CAPN12: variants seen among roughly 807,000 people sequenced by gnomAD.
The protein encoded by CAPN12 is calpain 12.
A neutral mutation model predicts 95.0 loss-of-function variants in CAPN12; 107 were observed. That is an observed-to-expected ratio of 1.13 (90% CI 0.96 to 1.32). The LOEUF (loss-of-function observed/expected upper bound fraction) is 1.32, where lower values mean the gene tolerates loss of function less well. Ranked by LOEUF, CAPN12 falls within the 40% of genes most tolerant of loss-of-function variation. CAPN12 has a pLI of 0.00. For missense variants in CAPN12, 1,136 were observed against 997.8 expected, an observed-to-expected ratio of 1.14 and a Z score of -1.87; for synonymous variants, 505 against 415.5, an observed-to-expected ratio of 1.22 and a Z score of -2.62.
intron 12 of CAPN12, 133 bp downstream of exon 12, chr19:38,735,977 C>A: frequency 4.7e-6 from 1 of 214,328 alleles, no homozygotes. Context: ...CGGGGCGGGG[C>A]GGGGCAGGGG....
chr19:38,730,628 G>T lies in CAPN12; in HGVS notation c.*224C>A, dbSNP rs1322008090. The T allele has an allele frequency of 1.5e-5, 9 of 613,544 alleles. No individual in the cohort carries two copies. The highest frequency in any genetic ancestry group is 2.6e-5 in the Non-Finnish European group (9 of 343,966). The allele number at this position is 613,544 out of a possible 1,614,324, so 38.0% of individuals were successfully genotyped here. ...TAGCACTGTCTTAAGCTGTCAACGT[G>T]GACTAGCTCGTGTCATCTGCTCGAG... On this transcript the variant is annotated 3_prime_UTR_variant, in exon 21 of 21. Transcript: ENST00000328867.
In CAPN12 at chr19:38,737,354, C is replaced by T. The variant is rs1328544583; in HGVS notation, c.1164G>A (p.Thr388=). The part of the protein sequence containing the change: ...TFWTNPQFRL[T]LLEPDEEDDE... ...CATCCTCCTCATCAGGCTCCAGCAGCGTTAAACGGAACTGAGGATTGGTCC... is the reference window on the plus strand; with the variant it reads ...CATCCTCCTCATCAGGCTCCAGCAGTGTTAAACGGAACTGAGGATTGGTCC... Residue 388 remains threonine (T), a synonymous_variant, in exon 10 of 21, where the codon ACG becomes ACA. Transcript: ENST00000328867. 6.2e-7 allele frequency: 1 copy of T among 1,608,718 alleles called. No homozygotes were observed. The highest frequency in any genetic ancestry group is 8.5e-7 in the Non-Finnish European group (1 of 1,178,340).
At position 38,738,642 on chromosome 19, in the gene CAPN12, G is replaced by T. The variant is rs747146013; in HGVS notation, c.736C>A (p.Arg246=). The T allele has an allele frequency of 6.2e-7, 1 of 1,613,888 alleles. No individual in the cohort carries two copies. Among genetic ancestry groups the T allele is most frequent in the African/African-American group, 1.3e-5 (1 of 75,026 alleles). ...CCCTCTTCTGTGCGGTACTCACCCCGATCACTCTGGGCAGGGGATGGGATG... is the reference window on the plus strand; with the variant it reads ...CCCTCTTCTGTGCGGTACTCACCCCTATCACTCTGGGCAGGGGATGGGATG... The part of the protein sequence containing the change: ...SLVGATALSD[R]GEYRTEEGLV... The change falls in exon 6 of 21, where the codon CGG becomes AGG. Residue 246 remains arginine (R), a synonymous_variant. Transcript: ENST00000328867.
rs1235565483 is a variant in CAPN12, at chr19:38,738,255, GGACCCTGAC to G, written c.965+9_965+17del. On this transcript the variant is annotated intron_variant, in intron 8 of 20. Transcript: ENST00000328867. ...AGAGACCCTCCCAGAGGCAGAGCTG[GGACCCTGAC>G]GAACTGACCAGAACTCGCCATCCTC... 6.2e-7 allele frequency: 1 copy of G among 1,611,782 alleles called. No individual in the cohort carries two copies. The highest frequency in any genetic ancestry group is 8.5e-7 in the Non-Finnish European group (1 of 1,179,950).
intron 2 of CAPN12, 77 bp downstream of exon 2, chr19:38,742,956 G>T: frequency 7.0e-7 from 1 of 1,429,228 alleles, no homozygotes; most frequent in Non-Finnish European, 9.8e-7. Context: ...GGAGTGGGTG[G>T]ACAAAGGGAT....
At chr19:38,743,540 G>A (rs1345589121) in intron 1 of CAPN12, among the ~76,000 whole-genome samples, 3 of 125,930 alleles carry the variant, frequency 2.4e-5, no homozygotes, top group East Asian at 2.1e-4. Context: ...TCAGACCCAG[G>A]AGTCCAGGTC....
At chr19:38,739,911 T>G in intron 5 of CAPN12, 140 bp downstream of exon 5, 1 of 856,616 alleles carries the variant, frequency 1.2e-6, no homozygotes, top group Non-Finnish European at 1.7e-6. Context: ...ATGAATTTAT[T>G]TTTGACTAGT....
chr19:38,734,731 C>A, intron 15 of CAPN12, 82 bp downstream of exon 15: 1 of 1,333,688 alleles, frequency 7.5e-7, no homozygotes, highest in South Asian at 1.3e-5. Flanking sequence ...GCGGTGGGTT[C>A]ATAGACATAG....
At position 38,735,457 on chromosome 19, in the gene CAPN12, G is replaced by A. The variant is rs564640157; in HGVS notation, c.1627-28C>T. The A allele has an allele frequency of 2.6e-5, 42 of 1,610,738 alleles. 1 individual carries two copies. In the Admixed American group the frequency reaches 5.0e-4, roughly 19 times the overall value. Reference sequence around the variant, plus strand: ...GCCGCATGGCGGAAGTTTAGCGCTGGCCAAGATCCCCGCCCCATGCCGCCC... The same window carrying A: ...GCCGCATGGCGGAAGTTTAGCGCTGACCAAGATCCCCGCCCCATGCCGCCC... On this transcript the variant is annotated intron_variant, in intron 13 of 20. Transcript: ENST00000328867.
At position 38,734,835 on chromosome 19, in the gene CAPN12, T is replaced by G. The variant is rs935535171; in HGVS notation, c.1722A>C (p.Leu574Phe). The G allele has an allele frequency of 6.2e-7, 1 of 1,612,654 alleles. No homozygotes were observed. Among genetic ancestry groups the G allele is most frequent in the Middle Eastern group, 1.7e-4 (1 of 6,058 alleles). Residue 574 changes from leucine to phenylalanine, a missense_variant, in exon 15 of 21, where the codon TTA (leucine) becomes TTC (phenylalanine). Physicochemically the swap from Leu to Phe is conservative, Grantham distance 22. Coordinates refer to ENST00000328867, the MANE Select transcript of CAPN12 (RefSeq NM_144691.4). Reference protein sequence around the residue: ...EELNASQLQALLSIALEPARA... With the variant: ...EELNASQLQAFLSIALEPARA... ...CACCAGGCTCCAGGGCAATGCTTAGTAAGGCCTGGAGCTGAGAGGCATTGA... is the reference window on the plus strand; with the variant it reads ...CACCAGGCTCCAGGGCAATGCTTAGGAAGGCCTGGAGCTGAGAGGCATTGA...
At chr19:38,739,710 C>CTTTT (rs58154433) in intron 5 of CAPN12, 1 of 151,314 alleles carries the variant, frequency 6.6e-6, no homozygotes, top group Non-Finnish European at 1.4e-5. Flanking sequence ...GAAAGAGGCA[C>CTTTT]TTTTTTTTTT....
intron 4 of CAPN12, among the ~76,000 whole-genome samples, chr19:38,740,762 T>C (rs1056477729): frequency 6.6e-6 from 1 of 151,132 alleles, no homozygotes; most frequent in Admixed American, 6.6e-5. Flanking sequence ...ATCACGCCAT[T>C]GCACTGTAGC....
Position 38,736,332 on chromosome 19 carries a change from G to A in CAPN12, c.1375-14C>T, listed in dbSNP as rs369888920. The A allele has an allele frequency of 1.7e-4, 244 of 1,449,338 alleles. 1 individual carries two copies. The African/African-American group carries it at 1.8e-3, about 11-fold the overall frequency. 89.8% of individuals were successfully genotyped at this position (1,449,338 alleles called of 1,614,324 possible). On this transcript the variant is annotated splice_polypyrimidine_tract_variant and intron_variant, in intron 11 of 20. Coordinates refer to ENST00000328867, the MANE Select transcript of CAPN12 (RefSeq NM_144691.4). ...GAGGCCCAGCAGCTGGGGACGGGGC[G>A]GCATGACCACGGACCAGGCTCACCC...
At chr19:38,731,058 T>TC in intron 19 of CAPN12, 35 bp from the exon 20 acceptor site, 1 of 1,561,488 alleles carries the variant, frequency 6.4e-7, no homozygotes, top group East Asian at 2.4e-5. Context: ...TGCCCACCAG[T>TC]CCCCGTACCC....
intron 18 of CAPN12, among the ~76,000 whole-genome samples, chr19:38,732,682 TCA>T (rs1491379745): frequency 6.6e-6 from 1 of 152,092 alleles, no homozygotes; most frequent in African/African-American, 2.4e-5. Flanking sequence ...GGTCTCACAC[TCA>T]CAGCCACACC....
At position 38,743,038 on chromosome 19, in the gene CAPN12, C is replaced by T; in HGVS notation, c.302G>A (p.Ser101Asn). ...AGGTGGGTTCAGGGTCTCACCCAGG[C>T]TCCCCTGACACACGTCTGTGCGGCT... is the stretch of plus-strand genomic sequence containing the variant. Reference protein sequence around the residue: ...DMSRTDVCQGSLGNCWFLAAA... With the variant: ...DMSRTDVCQGNLGNCWFLAAA... Residue 101 changes from serine (S) to asparagine (N), a missense_variant, in exon 2 of 21, where the codon AGC becomes AAC. Physicochemically the swap from Ser to Asn is conservative, Grantham distance 46 (BLOSUM62 1). Transcript: ENST00000328867. 1 of 1,613,880 alleles carries T rather than the reference C, an allele frequency of 6.2e-7. No homozygotes were observed. The highest frequency in any genetic ancestry group is 1.1e-5 in the South Asian group (1 of 91,076).
Position 38,736,104 on chromosome 19 carries a change from GC to G in CAPN12, c.1583+5del, listed in dbSNP as rs1159946416. 9.4e-6 allele frequency: 14 copies of G among 1,492,372 alleles called. No homozygotes were observed. Among genetic ancestry groups the G allele is most frequent in the Non-Finnish European group, 1.2e-5 (14 of 1,124,272 alleles). 92.4% of individuals were successfully genotyped at this position (1,492,372 alleles called of 1,614,324 possible). ...ATGGGGTCGGATTTGGGTGCCCGGG[GC>G]TCACACGGCCGTGTGGCGGCGCTCG... On this transcript the variant is annotated splice_donor_5th_base_variant and intron_variant, in intron 12 of 20. Coordinates refer to ENST00000328867, the MANE Select transcript of CAPN12 (RefSeq NM_144691.4).
rs1970756775 is a variant in CAPN12, at chr19:38,744,174, T to C, written c.-9A>G. ...CCACTGCTGGATGCCATCTGGACAC[T>C]GGCCTCACAAGCCGGCACCAGGCCC... On this transcript the variant is annotated 5_prime_UTR_variant, in exon 1 of 21. Coordinates refer to ENST00000328867, the MANE Select transcript of CAPN12 (RefSeq NM_144691.4). 1 of 1,613,024 alleles carries C rather than the reference T, an allele frequency of 6.2e-7. No individual in the cohort carries two copies. The highest frequency in any genetic ancestry group is 1.7e-5 in the Admixed American group (1 of 59,994).
In CAPN12 at chr19:38,730,957, T is replaced by C; in HGVS notation, c.2133+8A>G. On this transcript the variant is annotated splice_region_variant and intron_variant, in intron 20 of 20. Transcript: ENST00000328867. Reference sequence around the variant, plus strand: ...CCTGAGCCACCCTGTCCCTCCCACCTGGCTCACCTGTCTGTGGGTCAGGCA... The same window carrying C: ...CCTGAGCCACCCTGTCCCTCCCACCCGGCTCACCTGTCTGTGGGTCAGGCA... The C allele has an allele frequency of 6.4e-7, 1 of 1,550,604 alleles. No individual in the cohort carries two copies. The highest frequency in any genetic ancestry group is 1.4e-5 in the African/African-American group (1 of 73,158).
Sources: allele counts gnomAD v4.1 joint callset (sites outside exome capture counted in the v4.1 genomes callset), GRCh38; gene constraint gnomAD v4.1.1; transcripts MANE v1.5; gene names NCBI Gene and HGNC (gene_info 2026-07-23, HGNC 2026-07-21).